DNAJC5B: variants seen among roughly 807,000 people sequenced by gnomAD.
DNAJC5B encodes the protein DnaJ heat shock protein family (Hsp40) member C5 beta, also known as dnaJ homolog subfamily C member 5B.
In DNAJC5B, 23 loss-of-function variants were observed where a neutral mutation model predicts 24.7. The observed-to-expected ratio is 0.93, with a 90% confidence interval of 0.67 to 1.32. The LOEUF is 1.32. Among genes scored for constraint, DNAJC5B ranks in the 40% most tolerant of loss-of-function variants. The pLI is 0.00. For missense variants in DNAJC5B, 238 were observed against 240.8 expected, an observed-to-expected ratio of 0.99 and a Z score of 0.08; for synonymous variants, 101 against 90.1, an observed-to-expected ratio of 1.12 and a Z score of -0.68.
At chr8:66,047,713 T>C (rs1806752958) in intron 2 of DNAJC5B, among the ~76,000 whole-genome samples, 1 of 152,202 alleles carries the variant, frequency 6.6e-6, no homozygotes, top group Non-Finnish European at 1.5e-5. Flanking sequence ...CATAGCCCTG[T>C]GCTATGTCAG....
intron 3 of DNAJC5B, among the ~76,000 whole-genome samples, chr8:66,062,057 G>T (rs1807094886): frequency 6.6e-6 from 1 of 152,232 alleles, no homozygotes; most frequent in Non-Finnish European, 1.5e-5. Context: ...TAGTTCCCTT[G>T]CTGCTTTTCT....
intron 3 of DNAJC5B, chr8:66,057,524 T>C (rs1435566965): frequency 6.6e-6 from 1 of 152,112 alleles, no homozygotes; most frequent in Non-Finnish European, 1.5e-5. Context: ...AAAGAAGTAA[T>C]GGCTGGAAAT....
intron 3 of DNAJC5B, among the ~76,000 whole-genome samples, chr8:66,068,779 G>A (rs756350515): frequency 1.3e-5 from 2 of 151,956 alleles, no homozygotes; most frequent in Non-Finnish European, 2.9e-5. Flanking sequence ...CTATACCCAG[G>A]CACATCACAG....
chr8:66,039,103 C>A (rs1034760580), intron 1 of DNAJC5B, among the ~76,000 whole-genome samples: 1 of 152,160 alleles, frequency 6.6e-6, no homozygotes, highest in African/African-American at 2.4e-5. Context: ...TTAACACATG[C>A]ACCATTTGGC....
chr8:66,034,317 A>G (rs1357043577), intron 1 of DNAJC5B, among the ~76,000 whole-genome samples: 1 of 151,874 alleles, frequency 6.6e-6, no homozygotes, highest in African/African-American at 2.4e-5. Flanking sequence ...GTAGGGTTGC[A>G]GCCCCCTAGC....
chr8:66,075,650 T>A (rs908258444), intron 3 of DNAJC5B, among the ~76,000 whole-genome samples: 11 of 152,326 alleles, frequency 7.2e-5, no homozygotes, highest in African/African-American at 2.6e-4. Context: ...GTTTGATTTT[T>A]AAAAATTTAT....
chr8:66,074,983 T>G (rs1451468334), intron 3 of DNAJC5B, among the ~76,000 whole-genome samples: 6 of 152,184 alleles, frequency 3.9e-5, no homozygotes, highest in Non-Finnish European at 7.3e-5. Context: ...CTGACAGAGA[T>G]CCAAGCTGTT....
At chr8:66,061,078 A>G (rs1807070683) in intron 3 of DNAJC5B, among the ~76,000 whole-genome samples, 1 of 152,204 alleles carries the variant, frequency 6.6e-6, no homozygotes, top group Non-Finnish European at 1.5e-5. Context: ...AAACACTAAA[A>G]TCACTCCATT....
At chr8:66,029,058 A>T (rs572925465) in intron 1 of DNAJC5B, among the ~76,000 whole-genome samples, 1 of 152,262 alleles carries the variant, frequency 6.6e-6, no homozygotes, top group Admixed American at 6.5e-5. Context: ...GGTCTTGCTC[A>T]TGCAATTTCT....
intron 3 of DNAJC5B, among the ~76,000 whole-genome samples, chr8:66,061,845 G>A (rs112723446): frequency 6.6e-6 from 1 of 152,138 alleles, no homozygotes; most frequent in Non-Finnish European, 1.5e-5. Flanking sequence ...TTTAAGAGGT[G>A]TCTAAGCAAA....
At chr8:66,028,334 C>T (rs1391812064) in intron 1 of DNAJC5B, among the ~76,000 whole-genome samples, 1 of 152,146 alleles carries the variant, frequency 6.6e-6, no homozygotes, top group Non-Finnish European at 1.5e-5. Flanking sequence ...ATTCACTTTG[C>T]TTCATTGGGA....
chr8:66,029,322 T>C (rs1806312173), intron 1 of DNAJC5B, among the ~76,000 whole-genome samples: 1 of 152,164 alleles, frequency 6.6e-6, no homozygotes, highest in African/African-American at 2.4e-5. Flanking sequence ...AATGGTGTAT[T>C]CATGGAGCTA....
chr8:66,099,930 T>C lies in DNAJC5B; in HGVS notation c.506-7T>C, dbSNP rs1808037233. ...AGTGTTTATTGCTTTGCTTTGTTTA[T>C]TTTTAGATGTGGACTTTCCAGTTTT... On this transcript the variant is annotated splice_region_variant and splice_polypyrimidine_tract_variant and intron_variant, in intron 5 of 5. Coordinates refer to ENST00000276570, the MANE Select transcript of DNAJC5B (RefSeq NM_033105.6). The C allele has an allele frequency of 6.2e-7, 1 of 1,612,890 alleles. No homozygotes were observed. The highest frequency in any genetic ancestry group is 1.1e-5 in the South Asian group (1 of 91,010).
At chr8:66,066,184 G>A (rs10107052) in intron 3 of DNAJC5B, among the ~76,000 whole-genome samples, 8,914 of 152,124 alleles carry the variant, frequency 0.059, 863 homozygotes, top group African/African-American at 0.2. Context: ...ATGAGGTATC[G>A]CCTTACTCCT....
chr8:66,075,873 C>T (rs1807450458), intron 3 of DNAJC5B, among the ~76,000 whole-genome samples: 1 of 152,152 alleles, frequency 6.6e-6, no homozygotes, highest in African/African-American at 2.4e-5. Flanking sequence ...TCTGGACTTA[C>T]TGTTTTAAAA....
intron 5 of DNAJC5B, among the ~76,000 whole-genome samples, chr8:66,093,867 A>G (rs1807896850): frequency 6.6e-6 from 1 of 152,184 alleles, no homozygotes; most frequent in African/African-American, 2.4e-5. Context: ...TTCACATATA[A>G]GAGTTTAATC....
chr8:66,095,746 TTTCTA>T (rs1807938969), intron 5 of DNAJC5B, among the ~76,000 whole-genome samples: 2 of 151,678 alleles, frequency 1.3e-5, no homozygotes, highest in Non-Finnish European at 1.5e-5. Flanking sequence ...TATTTTCTGA[TTTCTA>T]TTATGATTTT....
intron 3 of DNAJC5B, among the ~76,000 whole-genome samples, chr8:66,064,613 C>G (rs984887794): frequency 2.0e-5 from 3 of 152,172 alleles, no homozygotes; most frequent in African/African-American, 7.2e-5. Flanking sequence ...AAGTTAGATG[C>G]CCAGAAACTT....
At chr8:66,059,537 G>T (rs971283496) in intron 3 of DNAJC5B, among the ~76,000 whole-genome samples, 5 of 152,186 alleles carry the variant, frequency 3.3e-5, no homozygotes, top group African/African-American at 1.2e-4. Flanking sequence ...CAATTGGGGA[G>T]ATGGGAGACT....
Sources: gnomAD v4.1 joint callset for allele counts (sites outside exome capture counted in the v4.1 genomes callset) on GRCh38, gnomAD v4.1.1 for gene constraint, MANE v1.5 for transcripts, NCBI Gene and HGNC (gene_info 2026-07-23, HGNC 2026-07-21) for gene names.